The following SRPK2 variants were observed in gnomAD, a reference collection of about 807,000 sequenced individuals.
SRPK2 encodes SFRS protein kinase 2.
SRPK2 carries 21 observed loss-of-function variants against 90.8 expected under a neutral mutation model. The ratio of observed to expected loss-of-function variants is 0.23; its 90% CI spans 0.16 to 0.33. SRPK2 has a LOEUF of 0.33. Ranked by LOEUF, SRPK2 falls within the 10% of genes least tolerant of loss-of-function variation. The probability of loss-of-function intolerance (pLI) is 1.00; values close to 1 mark genes in which losing one functional copy is unlikely to be tolerated. For synonymous variants in SRPK2, 288 were observed against 311.1 expected, an observed-to-expected ratio of 0.93 and a Z score of 0.78; for missense variants, 620 against 869.0, an observed-to-expected ratio of 0.71 and a Z score of 3.60.
chr7:105,364,154 GCA>G (rs1418010581), intron 2 of SRPK2, among the ~76,000 whole-genome samples: 1 of 151,870 alleles, frequency 6.6e-6, no homozygotes, highest in Non-Finnish European at 1.5e-5. Flanking sequence ...TGCATGCTGT[GCA>G]CATGTACCCT....
chr7:105,265,347 A>G (rs999474529), intron 2 of SRPK2, among the ~76,000 whole-genome samples: 1 of 152,238 alleles, frequency 6.6e-6, no homozygotes, highest in African/African-American at 2.4e-5. Context: ...TAAGTAATCT[A>G]GAGATGTTTT....
Position 105,397,509 on chromosome 7 carries a change from T to C in SRPK2, n.153+1647A>G, listed in dbSNP as rs538457264. On this transcript the variant is annotated intron_variant and non_coding_transcript_variant, in intron 1 of 3. Coordinates refer to the SRPK2 transcript ENST00000462282. ...CATGCCCGGGTAATTTTTGTATATTTTTTAGAGACGGGGTTTCACCATATT... is the reference window on the plus strand; with the variant it reads ...CATGCCCGGGTAATTTTTGTATATTCTTTAGAGACGGGGTTTCACCATATT... Among the ~76,000 whole-genome samples, 3 of 151,860 alleles carry C rather than the reference T, an allele frequency of 2.0e-5. No individual in the cohort carries two copies. The East Asian group carries it at 5.8e-4, about 29-fold the overall frequency.
chr7:105,160,871 C>T (rs982708891), intron 6 of SRPK2, among the ~76,000 whole-genome samples: 2 of 152,108 alleles, frequency 1.3e-5, no homozygotes, highest in African/African-American at 4.8e-5. Context: ...TACATATGCT[C>T]GCCTCTTCAG....
At chr7:105,295,434 A>G (rs1434600065) in intron 2 of SRPK2, among the ~76,000 whole-genome samples, 1 of 152,188 alleles carries the variant, frequency 6.6e-6, no homozygotes, top group Non-Finnish European at 1.5e-5. Flanking sequence ...ATAAAATTAT[A>G]TAAACATACA....
chr7:105,252,457 T>A (rs1332118595), intron 2 of SRPK2, among the ~76,000 whole-genome samples: 1 of 152,192 alleles, frequency 6.6e-6, no homozygotes, highest in South Asian at 2.1e-4. Context: ...GGCGTTCTCA[T>A]CTGAAAAGAA....
At chr7:105,169,086 C>G in intron 4 of SRPK2, 71 bp downstream of exon 4, 1 of 1,360,204 alleles carries the variant, frequency 7.4e-7, no homozygotes, top group Non-Finnish European at 1.0e-6. Context: ...TGACCCTCAG[C>G]CATACCTTCT....
intron 2 of SRPK2, among the ~76,000 whole-genome samples, chr7:105,240,797 A>C (rs987860830): frequency 5.9e-5 from 9 of 152,172 alleles, no homozygotes; most frequent in Non-Finnish European, 1.2e-4. Flanking sequence ...AATATGCTCA[A>C]TTTATTATGG....
At chr7:105,148,642 T>C (rs751030180) in intron 7 of SRPK2, among the ~76,000 whole-genome samples, 4 of 152,192 alleles carry the variant, frequency 2.6e-5, no homozygotes, top group African/African-American at 7.2e-5. Flanking sequence ...TCATCCAATG[T>C]AGGGAAAAGA....
At chr7:105,146,128 G>T (rs1185220078) in intron 8 of SRPK2, among the ~76,000 whole-genome samples, 1 of 152,146 alleles carries the variant, frequency 6.6e-6, no homozygotes, top group Non-Finnish European at 1.5e-5. Context: ...TGGACAACAA[G>T]AATTTATGTA....
chr7:105,361,281 C>T (rs796226378), intron 2 of SRPK2, among the ~76,000 whole-genome samples: 2 of 152,056 alleles, frequency 1.3e-5, no homozygotes, highest in African/African-American at 4.8e-5. Flanking sequence ...TGTGAAGGAC[C>T]TCTTCAAGGA....
chr7:105,281,591 A>C (rs574545078), intron 2 of SRPK2, among the ~76,000 whole-genome samples: 1 of 152,096 alleles, frequency 6.6e-6, no homozygotes, highest in South Asian at 2.1e-4. Flanking sequence ...GTTTAAGGAT[A>C]TAATGCACTA....
At chr7:105,312,444 A>AAAAAAC (rs1009210986) in intron 2 of SRPK2, among the ~76,000 whole-genome samples, 2 of 151,592 alleles carry the variant, frequency 1.3e-5, no homozygotes, top group Admixed American at 6.6e-5. Context: ...CGTCAAAAAA[A>AAAAAAC]AAAAAAAAAA....
intron 3 of SRPK2, among the ~76,000 whole-genome samples, chr7:105,202,718 C>CTTTTTCGTTAAGT (rs1348422673): frequency 1.3e-5 from 2 of 152,190 alleles, no homozygotes; most frequent in Non-Finnish European, 2.9e-5. Flanking sequence ...CCCACTATGT[C>CTTTTTCGTTAAGT]ACACAATGGC....
intron 2 of SRPK2, among the ~76,000 whole-genome samples, chr7:105,308,115 TTAGAGTTTTTGCTGCTCTACCTGGA>T (rs1332529650): frequency 6.6e-6 from 1 of 152,192 alleles, no homozygotes. Flanking sequence ...CAGTTTAGTG[TTAGAGTTTTTGCTGCTCTACCTGGA>T]GGTCCTAACA....
At chr7:105,349,128 G>C (rs1300316329) in intron 2 of SRPK2, among the ~76,000 whole-genome samples, 1 of 117,012 alleles carries the variant, frequency 8.5e-6, no homozygotes, top group Non-Finnish European at 1.8e-5. Context: ...CTGGGCAACA[G>C]AGTGAGATTT....
intron 7 of SRPK2, among the ~76,000 whole-genome samples, chr7:105,149,907 C>T (rs1805369693): frequency 6.6e-6 from 1 of 152,160 alleles, no homozygotes; most frequent in Non-Finnish European, 1.5e-5. Flanking sequence ...GAATGTGCAT[C>T]GCCTGAGCTC....
At chr7:105,383,127 C>A (rs1821151232) in intron 2 of SRPK2, among the ~76,000 whole-genome samples, 1 of 125,924 alleles carries the variant, frequency 7.9e-6, no homozygotes, top group Non-Finnish European at 1.6e-5. Flanking sequence ...TGCAGTGGCA[C>A]AATCTCGGTT....
chr7:105,141,996 A>T lies in SRPK2; in HGVS notation c.1543+12T>A. 6.3e-7 allele frequency: 1 copy of T among 1,596,066 alleles called. No homozygotes were observed. The highest frequency in any genetic ancestry group is 8.5e-7 in the Non-Finnish European group (1 of 1,170,726). ...CAGCGATGGCAGACAGTTGATGGGA[A>T]GAAACACTTACCTTTTGGCAAATCC... On this transcript the variant is annotated intron_variant, in intron 11 of 15. Coordinates refer to ENST00000393651, the MANE Select transcript of SRPK2 (RefSeq NM_182692.3).
intron 11 of SRPK2, among the ~76,000 whole-genome samples, chr7:105,137,944 GGCT>G (rs1446423165): frequency 6.6e-6 from 1 of 152,142 alleles, no homozygotes; most frequent in Non-Finnish European, 1.5e-5. Context: ...CCATGGGGGA[GGCT>G]GCTCTTGCTT....
Sources: allele counts gnomAD v4.1 joint callset (sites outside exome capture counted in the v4.1 genomes callset), GRCh38; gene constraint gnomAD v4.1.1; transcripts MANE v1.5; gene names NCBI Gene and HGNC (gene_info 2026-07-23, HGNC 2026-07-21).